FBRS: variants seen among roughly 807,000 people sequenced by gnomAD.
The protein encoded by FBRS is fibrosin, also known as probable fibrosin-1.
FBRS carries 15 observed loss-of-function variants against 86.1 expected under a neutral mutation model. That is an observed-to-expected ratio of 0.17 (90% CI 0.12 to 0.27). The LOEUF (loss-of-function observed/expected upper bound fraction) is 0.27. Ranked by LOEUF, FBRS falls within the 10% of genes least tolerant of loss-of-function variation. The probability of loss-of-function intolerance (pLI) is 1.00; values close to 1 mark genes in which losing one functional copy is unlikely to be tolerated. For missense variants in FBRS, 1,367 were observed against 1,301.6 expected (o/e 1.05, Z -0.77); for synonymous variants, 666 against 575.8 (o/e 1.16, Z -2.24).
chr16:30,662,935 G>A, intron 6 of FBRS, 76 bp downstream of exon 6: 2 of 1,356,132 alleles, frequency 1.5e-6, no homozygotes, highest in Non-Finnish European at 1.9e-6. Context: ...GATGGTACCT[G>A]TGGGGTATGA....
At position 30,662,596 on chromosome 16, in the gene FBRS, A is replaced by G. The variant is rs2052474134; in HGVS notation, c.792A>G (p.Glu264=). The G allele has an allele frequency of 2.6e-6, 4 of 1,541,758 alleles. No individual in the cohort carries two copies. Among genetic ancestry groups the G allele is most frequent in the Non-Finnish European group, 3.5e-6 (4 of 1,140,804 alleles). Residue 264 remains glutamate (E), a synonymous_variant, in exon 6 of 18, where the codon GAA becomes GAG. Transcript: ENST00000356166. ...ACGGCGCCTTCAATGGGAACTGTGA[A>G]GCAAAACTCTCCGTGGTCCCTAAAG... ...GPHGAFNGNC[E]AKLSVVPKVS...
Position 30,659,876 on chromosome 16 carries a change from G to A in FBRS, c.358G>A (p.Asp120Asn), listed in dbSNP as rs1035306286. ...EEEEEEGGADDGEAEEEPEEE... is the reference protein window; with the variant it reads ...EEEEEEGGADNGEAEEEPEEE... ...GGAGGAGGAGGAGGGGGGCGCAGAC[G>A]ACGGCGAAGCCGAGGAGGAGCCTGA... The change falls in exon 1 of 18, where the codon GAC (aspartate) becomes AAC (asparagine). Residue 120 changes from aspartate (D) to asparagine (N), a missense_variant. Transcript: ENST00000356166. 28 of 1,545,684 alleles carry A rather than the reference G, an allele frequency of 1.8e-5. No homozygotes were observed. The highest frequency in any genetic ancestry group is 2.4e-5 in the Non-Finnish European group (28 of 1,146,618).
Position 30,667,537 on chromosome 16 carries a change from C to T in FBRS, c.1994-5C>T. On this transcript the variant is annotated splice_region_variant and splice_polypyrimidine_tract_variant and intron_variant, in intron 14 of 17. Transcript: ENST00000356166. ...TCATCAGAATCTCCCACCTCTCTGC[C>T]CCAGGTGCCGTCCACGCTGCAGCCA... 4 of 1,533,298 alleles carry T rather than the reference C, an allele frequency of 2.6e-6. No homozygotes were observed. Among genetic ancestry groups the T allele is most frequent in the East Asian group, 2.5e-5 (1 of 40,776 alleles). The allele number at this position is 1,533,298 out of a possible 1,614,324, so 95.0% of individuals were successfully genotyped here. A position where few individuals can be genotyped will look rare whatever the true frequency, so the allele number is the denominator to read the frequency against.
chr16:30,669,579 G>A lies in FBRS; in HGVS notation c.2877G>A (p.Pro959=), dbSNP rs1028079327. 9 of 1,611,876 alleles carry A rather than the reference G, an allele frequency of 5.6e-6. No homozygotes were observed. The highest frequency in any genetic ancestry group is 2.7e-5 in the African/African-American group (2 of 74,914). ...PPGALLGAPP[P]LVPAPRPSSP... Reference sequence around the variant, plus strand: ...GAGCCCTTTTGGGGGCACCACCTCCGCTTGTGCCCGCCCCCCGGCCCAGTT... The same window carrying A: ...GAGCCCTTTTGGGGGCACCACCTCCACTTGTGCCCGCCCCCCGGCCCAGTT... The change falls in exon 18 of 18, where the codon CCG becomes CCA. Residue 959 remains proline (P), a synonymous_variant. Coordinates refer to ENST00000356166, the MANE Select transcript of FBRS (RefSeq NM_001105079.3). The surrounding 1 kb of genome is among the most constrained non-coding windows in gnomAD (Gnocchi z 5.9).
chr16:30,666,397 A>C, intron 11 of FBRS, 115 bp from the exon 12 acceptor site: 1 of 1,301,044 alleles, frequency 7.7e-7, no homozygotes, highest in East Asian at 2.3e-5. Context: ...GAAGGGTTTG[A>C]GGGAGTCCCA....
At chr16:30,668,376 G>A in intron 15 of FBRS, 184 bp from the exon 16 acceptor site, 1 of 587,720 alleles carries the variant, frequency 1.7e-6, no homozygotes, top group East Asian at 2.8e-5. Context: ...TTTTTGTGAG[G>A]TTAACCGACA....
At position 30,669,237 on chromosome 16, in the gene FBRS, CGCCGCAGCA is replaced by C; in HGVS notation, c.2539_2547del (p.Ala847_Ala849del). The stretch of plus-strand genomic sequence containing the variant: ...CTGCTGCTGCCGCCGCCGCTGCCGC[CGCCGCAGCA>C]GCCACTGGGCCCCAGGGCCTTCACC... On this transcript the variant is annotated inframe_deletion, in exon 18 of 18. Transcript: ENST00000356166. The surrounding 1 kb of genome is among the most constrained non-coding windows in gnomAD (Gnocchi z 5.9). The C allele has an allele frequency of 6.4e-7, 1 of 1,550,398 alleles. No individual in the cohort carries two copies. Among genetic ancestry groups the C allele is most frequent in the Non-Finnish European group, 8.7e-7 (1 of 1,147,240 alleles).
chr16:30,664,430 T>G lies in FBRS; in HGVS notation c.1271T>G (p.Phe424Cys). The stretch of plus-strand genomic sequence containing the variant: ...CCACCACCCCACCACCCCTCCTTGT[T>G]CTCCCCTGGCCCCACCCTGCCCCCA... ...PPPPPHHPSL[F>C]SPGPTLPPPP... The change falls in exon 7 of 18, where the codon TTC becomes TGC. Residue 424 changes from phenylalanine (F) to cysteine (C), a missense_variant. Around this residue, in one of 3 missense-constraint regions of FBRS, gnomAD observed 702 missense variants for 598.7 expected, o/e 1.17. Coordinates refer to ENST00000356166, the MANE Select transcript of FBRS (RefSeq NM_001105079.3). 1 of 1,154,618 alleles carries G rather than the reference T, an allele frequency of 8.7e-7. No individual in the cohort carries two copies. Among genetic ancestry groups the G allele is most frequent in the Non-Finnish European group, 1.2e-6 (1 of 863,304 alleles). 71.5% of individuals were successfully genotyped at this position (1,154,618 alleles called of 1,614,324 possible). A position where few individuals can be genotyped will look rare whatever the true frequency, so the allele number is the denominator to read the frequency against.
At chr16:30,664,165 A>G in intron 6 of FBRS, 50 bp from the exon 7 acceptor site, 1 of 1,239,356 alleles carries the variant, frequency 8.1e-7, no homozygotes. Context: ...CCCTCCCGTC[A>G]GAGCTGGCAC....
chr16:30,660,578 C>T (rs746027813), intron 2 of FBRS, 136 bp downstream of exon 2: 20 of 1,246,930 alleles, frequency 1.6e-5, no homozygotes, highest in South Asian at 7.8e-5. Context: ...AAATTTGAGC[C>T]CTTACTCATC....
rs760655593 is a variant in FBRS, at chr16:30,668,551, C to T, written c.2075-9C>T. On this transcript the variant is annotated splice_polypyrimidine_tract_variant and intron_variant, in intron 15 of 17. Transcript: ENST00000356166. The stretch of plus-strand genomic sequence containing the variant: ...CCAGTGCTCTGACCACCCCCCTTTC[C>T]TCCCACAGATCCCTTTGGGCGTCCC... 1 of 1,607,598 alleles carries T rather than the reference C, an allele frequency of 6.2e-7. No homozygotes were observed. Among genetic ancestry groups the T allele is most frequent in the South Asian group, 1.1e-5 (1 of 90,848 alleles).
intron 3 of FBRS, 28 bp downstream of exon 3, chr16:30,661,243 C>T (rs1371995432): frequency 6.4e-7 from 1 of 1,550,890 alleles, no homozygotes; most frequent in Non-Finnish European, 8.7e-7. Context: ...GTCCTGGCCC[C>T]TCCCTGCTCC....
At position 30,665,233 on chromosome 16, in the gene FBRS, G is replaced by C; in HGVS notation, c.1609-73G>C. On this transcript the variant is annotated intron_variant, in intron 9 of 17. Transcript: ENST00000356166. This position sits in a 1 kb window ranked among gnomAD's most constrained non-coding sequence, Gnocchi z 4.1. ...CTGGGGGGCTTTAGGGTGGAGGCCC[G>C]TGGACTGACGGGCAGGCTGGACTTG... 10 of 1,520,948 alleles carry C rather than the reference G, an allele frequency of 6.6e-6. No individual in the cohort carries two copies. Among genetic ancestry groups the C allele is most frequent in the Admixed American group, 2.1e-5 (1 of 48,272 alleles). 94.2% of individuals were successfully genotyped at this position (1,520,948 alleles called of 1,614,324 possible).
In FBRS at chr16:30,670,627, T is replaced by G. The variant is rs577998070; in HGVS notation, c.*982T>G. On this transcript the variant is annotated 3_prime_UTR_variant, in exon 18 of 18. Coordinates refer to ENST00000356166, the MANE Select transcript of FBRS (RefSeq NM_001105079.3). The stretch of plus-strand genomic sequence containing the variant: ...CCAGGGGTGGGCGACACAGGCAGCT[T>G]CTTCGGCAGCCTCACGGCAGCAACC... The G allele has an allele frequency of 1.3e-4, 21 of 159,802 alleles. No homozygotes were observed. In the East Asian group the frequency reaches 2.3e-3, roughly 17 times the overall value. The allele number at this position is 159,802 out of a possible 1,614,324, so 9.9% of individuals were successfully genotyped here.
chr16:30,669,595 C>G lies in FBRS; in HGVS notation c.2893C>G (p.Arg965Gly), dbSNP rs773029693. The G allele has an allele frequency of 6.2e-7, 1 of 1,610,412 alleles. No individual in the cohort carries two copies. The highest frequency in any genetic ancestry group is 1.7e-5 in the Admixed American group (1 of 59,956). ...ACCACCTCCGCTTGTGCCCGCCCCCCGGCCCAGTTCCCCACCTAGGGGCCC... is the reference window on the plus strand; with the variant it reads ...ACCACCTCCGCTTGTGCCCGCCCCCGGGCCCAGTTCCCCACCTAGGGGCCC... ...GAPPPLVPAP[R>G]PSSPPRGPGP... Residue 965 changes from arginine to glycine, a missense_variant, in exon 18 of 18, where the codon CGG becomes GGG. This residue lies in a region of FBRS where 659 missense variants were observed against 678.8 expected (regional missense o/e 0.97). Coordinates refer to ENST00000356166, the MANE Select transcript of FBRS (RefSeq NM_001105079.3). The surrounding 1 kb of genome is among the most constrained non-coding windows in gnomAD (Gnocchi z 5.9).
chr16:30,665,461 G>C lies in FBRS; in HGVS notation c.1704+60G>C. ...CATCTTGACAAACCCAGACACGCCG[G>C]GTCCAAGCACCCTTCTCCCATTCCC... On this transcript the variant is annotated intron_variant, in intron 10 of 17. Transcript: ENST00000356166. The surrounding 1 kb of genome is among the most constrained non-coding windows in gnomAD (Gnocchi z 4.1). 6.7e-7 allele frequency: 1 copy of C among 1,495,662 alleles called. No individual in the cohort carries two copies. The highest frequency in any genetic ancestry group is 9.1e-7 in the Non-Finnish European group (1 of 1,096,426). 92.6% of individuals were successfully genotyped at this position (1,495,662 alleles called of 1,614,324 possible).
At chr16:30,661,726 T>C (rs750831431) in intron 4 of FBRS, among the ~76,000 whole-genome samples, 1 of 152,160 alleles carries the variant, frequency 6.6e-6, no homozygotes, top group Non-Finnish European at 1.5e-5. Flanking sequence ...ACTAAATCAT[T>C]GTAGTCAGTG....
Position 30,669,587 on chromosome 16 carries a change from C to T in FBRS, c.2885C>T (p.Pro962Leu). Residue 962 changes from proline (P) to leucine (L), a missense_variant, in exon 18 of 18, where the codon CCC becomes CTC. Transcript: ENST00000356166. The surrounding 1 kb of genome is among the most constrained non-coding windows in gnomAD (Gnocchi z 5.9). ...TTGGGGGCACCACCTCCGCTTGTGC[C>T]CGCCCCCCGGCCCAGTTCCCCACCT... ...ALLGAPPPLVPAPRPSSPPRG... is the reference protein window; with the variant it reads ...ALLGAPPPLVLAPRPSSPPRG... 1 of 1,611,548 alleles carries T rather than the reference C, an allele frequency of 6.2e-7. No homozygotes were observed. The highest frequency in any genetic ancestry group is 8.5e-7 in the Non-Finnish European group (1 of 1,179,666).
rs948938616 is a variant in FBRS, at chr16:30,659,364, G to A, written c.-155G>A. The A allele has an allele frequency of 3.5e-5, 7 of 198,852 alleles. No homozygotes were observed. The highest frequency in any genetic ancestry group is 7.0e-5 in the Non-Finnish European group (7 of 99,372). 12.3% of individuals were successfully genotyped at this position (198,852 alleles called of 1,614,324 possible). A position where few individuals can be genotyped will look rare whatever the true frequency, so the allele number is the denominator to read the frequency against. ...CGCCGGCTCCCCGGGCCGTGGCCTT[G>A]GGGCAAGCTCGGGGCCAGCAGATCC... On this transcript the variant is annotated 5_prime_UTR_variant, in exon 1 of 18. Coordinates refer to ENST00000356166, the MANE Select transcript of FBRS (RefSeq NM_001105079.3).
Sources: gnomAD v4.1 joint callset for allele counts (sites outside exome capture counted in the v4.1 genomes callset) on GRCh38, gnomAD v4.1.1 for gene constraint, gnomAD v4.1.1 regional missense constraint, Gnocchi (gnomAD v3.1) non-coding constraint, MANE v1.5 for transcripts, NCBI Gene and HGNC (gene_info 2026-07-23, HGNC 2026-07-21) for gene names.